The following PKD2 variants were observed in gnomAD, a reference collection of about 807,000 sequenced individuals.
The protein encoded by PKD2 is polycystin 2, transient receptor potential cation channel, also known as polycystin-2.
Under a neutral mutation model 105.9 loss-of-function variants are expected in PKD2, and 48 were observed. The ratio of observed to expected loss-of-function variants is 0.45; its 90% CI spans 0.36 to 0.58. The LOEUF (loss-of-function observed/expected upper bound fraction) is 0.58, where lower values mean the gene tolerates loss of function less well. PKD2 is among the 20% of genes least tolerant of loss of function. The pLI, the probability that PKD2 is intolerant of heterozygous loss-of-function variation, is 0.00. For synonymous variants in PKD2, 464 were observed against 481.1 expected (o/e 0.96, Z 0.46); for missense variants, 1,078 against 1,255.3 (o/e 0.86, Z 2.13).
Position 88,077,721 on chromosome 4 carries a change from T to C in PKD2, c.*2027T>C, listed in dbSNP as rs796677800. ...AAGTCTTTCTCGACAATCAAGAATG[T>C]TATTAATGTGTAATACTGAGCACTT... On this transcript the variant is annotated 3_prime_UTR_variant, in exon 15 of 15. Transcript: ENST00000237596. 2 of 152,342 alleles carry C rather than the reference T, an allele frequency of 1.3e-5. No individual in the cohort carries two copies. Among genetic ancestry groups the C allele is most frequent in the African/African-American group, 4.8e-5 (2 of 41,576 alleles). The allele number at this position is 152,342 out of a possible 1,614,324, so 9.4% of individuals were successfully genotyped here.
intron 9 of PKD2, among the ~76,000 whole-genome samples, chr4:88,060,140 T>C (rs1267967042): frequency 1.3e-5 from 2 of 152,244 alleles, no homozygotes; most frequent in African/African-American, 4.8e-5. Flanking sequence ...GACTTTGATC[T>C]GTTTCAATTA....
At chr4:88,027,270 C>T (rs952350743) in intron 2 of PKD2, among the ~76,000 whole-genome samples, 2 of 152,242 alleles carry the variant, frequency 1.3e-5, no homozygotes, top group Non-Finnish European at 2.9e-5. Flanking sequence ...AGAGGTGGAG[C>T]TGTCCAAGGC....
chr4:88,074,376 G>A (rs1346145636), intron 13 of PKD2, among the ~76,000 whole-genome samples: 6 of 152,044 alleles, frequency 3.9e-5, no homozygotes, highest in East Asian at 1.9e-4. Flanking sequence ...GGCCTCAAGC[G>A]ATCTGCACAC....
intron 2 of PKD2, among the ~76,000 whole-genome samples, chr4:88,034,209 G>A (rs1271315404): frequency 6.6e-6 from 1 of 152,024 alleles, no homozygotes; most frequent in East Asian, 1.9e-4. Flanking sequence ...AAACCAGGGG[G>A]CCTGGAAATT....
chr4:88,027,344 A>T (rs1726993933), intron 2 of PKD2, among the ~76,000 whole-genome samples: 2 of 152,238 alleles, frequency 1.3e-5, no homozygotes, highest in South Asian at 4.1e-4. Flanking sequence ...TGGAGATCTA[A>T]GATTTAATGA....
chr4:88,018,151 G>A (rs1313057166), intron 1 of PKD2, among the ~76,000 whole-genome samples: 1 of 152,166 alleles, frequency 6.6e-6, no homozygotes, highest in African/African-American at 2.4e-5. Context: ...AGCAAAGTTG[G>A]TCATAAGTTA....
At chr4:88,070,580 A>T (rs1259491885) in intron 13 of PKD2, among the ~76,000 whole-genome samples, 9,128 of 83,244 alleles carry the variant, frequency 0.11, 440 homozygotes, top group East Asian at 0.25. Context: ...TATTTTATAT[A>T]TATATATATA....
chr4:88,015,341 A>T (rs1726522872), intron 1 of PKD2, among the ~76,000 whole-genome samples: 1 of 152,192 alleles, frequency 6.6e-6, no homozygotes, highest in East Asian at 1.9e-4. Context: ...ATATTGTTGG[A>T]TCTAGGTGAT....
At chr4:88,020,936 C>T (rs1439319375) in intron 2 of PKD2, among the ~76,000 whole-genome samples, 5 of 152,140 alleles carry the variant, frequency 3.3e-5, no homozygotes, top group African/African-American at 7.2e-5. Context: ...AAGTGATCCT[C>T]CTGCCTTGGA....
chr4:88,025,566 G>GTCATGCCACAGC (rs1726927153), intron 2 of PKD2, among the ~76,000 whole-genome samples: 1 of 149,988 alleles, frequency 6.7e-6, no homozygotes, highest in Admixed American at 6.6e-5. Flanking sequence ...GTGAGCTGTG[G>GTCATGCCACAGC]TCATGCCACT....
At chr4:88,071,975 CTTTTTTTTTTTTTT>C in intron 13 of PKD2, among the ~76,000 whole-genome samples, 1 of 87,120 alleles carries the variant, frequency 1.1e-5, no homozygotes, top group East Asian at 4.0e-4. Flanking sequence ...AGAGGCCAGT[CTTTTTTTTTTTTTT>C]TTTTTTTTTT....
chr4:88,028,430 C>G (rs1727032739), intron 2 of PKD2, among the ~76,000 whole-genome samples: 1 of 152,236 alleles, frequency 6.6e-6, no homozygotes, highest in Non-Finnish European at 1.5e-5. Flanking sequence ...CTTAAGATCA[C>G]ATGTTGCAAT....
chr4:88,021,780 G>A (rs1373003015), intron 2 of PKD2, among the ~76,000 whole-genome samples: 1 of 152,216 alleles, frequency 6.6e-6, no homozygotes, highest in Non-Finnish European at 1.5e-5. Flanking sequence ...CCTATACCAA[G>A]TATCTTTTTT....
intron 1 of PKD2, among the ~76,000 whole-genome samples, chr4:88,011,303 T>C (rs555524211): frequency 6.6e-6 from 1 of 152,076 alleles, no homozygotes; most frequent in African/African-American, 2.4e-5. Context: ...TCCTGTTTGT[T>C]ATTTTAGGCG....
chr4:88,034,591 C>T (rs1345678001), intron 2 of PKD2, among the ~76,000 whole-genome samples: 1 of 147,826 alleles, frequency 6.8e-6, no homozygotes, highest in East Asian at 2.1e-4. Flanking sequence ...TCGCTTGAAC[C>T]TGGGAGGGGG....
chr4:88,023,376 T>C (rs1302636939), intron 2 of PKD2, among the ~76,000 whole-genome samples: 1 of 152,162 alleles, frequency 6.6e-6, no homozygotes, highest in African/African-American at 2.4e-5. Flanking sequence ...TCAAGGACAG[T>C]ACCAAGAGGA....
rs574756418 is a variant in PKD2, at chr4:88,009,054, G to A, written c.595+726G>A. Among the ~76,000 whole-genome samples, 16 of 152,266 alleles carry A rather than the reference G, an allele frequency of 1.1e-4. No individual in the cohort carries two copies. The South Asian group carries it at 3.1e-3, about 30-fold the overall frequency. ...TTAAATAACTAAATTAATGTTCTTTGAAATTCCACCAAAATGATGAAGTCA... is the reference window on the plus strand; with the variant it reads ...TTAAATAACTAAATTAATGTTCTTTAAAATTCCACCAAAATGATGAAGTCA... On this transcript the variant is annotated intron_variant, in intron 1 of 14. Coordinates refer to ENST00000237596, the MANE Select transcript of PKD2 (RefSeq NM_000297.4).
intron 10 of PKD2, among the ~76,000 whole-genome samples, chr4:88,064,087 G>A (rs1020890021): frequency 1.3e-5 from 2 of 152,148 alleles, no homozygotes; most frequent in East Asian, 1.9e-4. Flanking sequence ...CCAGGGAGGC[G>A]GAGGTTGCAG....
chr4:88,068,077 T>C lies in PKD2; in HGVS notation c.2522+16T>C, dbSNP rs202206741. On this transcript the variant is annotated intron_variant, in intron 13 of 14. Coordinates refer to ENST00000237596, the MANE Select transcript of PKD2 (RefSeq NM_000297.4). ...AGTTTCAAGTGTAAGTATAAAGGAA[T>C]TGGCAGAATTTGCGTTGACAAGAGT... is the stretch of plus-strand genomic sequence containing the variant. 48 of 1,611,258 alleles carry C rather than the reference T, an allele frequency of 3.0e-5. No homozygotes were observed. Among genetic ancestry groups the C allele is most frequent in the Non-Finnish European group, 3.8e-5 (45 of 1,177,520 alleles).
Sources: gnomAD v4.1 joint callset for allele counts (sites outside exome capture counted in the v4.1 genomes callset) on GRCh38, gnomAD v4.1.1 for gene constraint, MANE v1.5 for transcripts, NCBI Gene and HGNC (gene_info 2026-07-23, HGNC 2026-07-21) for gene names.